The following DMRT1 variants were observed in gnomAD, a reference collection of about 807,000 sequenced individuals.
DMRT1 encodes the protein doublesex and mab-3 related transcription factor 1.
DMRT1 carries 7 observed loss-of-function variants against 32.3 expected under a neutral mutation model. That is an observed-to-expected ratio of 0.22 (90% CI 0.12 to 0.41). The LOEUF is 0.41. Ranked by LOEUF, DMRT1 falls within the 10% of genes least tolerant of loss-of-function variation. The pLI, the probability that DMRT1 is intolerant of heterozygous loss-of-function variation, is 1.00. For synonymous variants in DMRT1, 278 were observed against 206.1 expected, an observed-to-expected ratio of 1.35 and a Z score of -2.99; for missense variants, 625 against 500.5, an observed-to-expected ratio of 1.25 and a Z score of -2.37.
intron 3 of DMRT1, 146 bp from the exon 4 acceptor site, chr9:916,617 C>T: frequency 1.1e-6 from 1 of 946,354 alleles, no homozygotes; most frequent in Non-Finnish European, 1.7e-6. Flanking sequence ...AGCGATCCTC[C>T]CGCCCTGGCC....
chr9:900,181 A>C (rs1817518415), intron 3 of DMRT1, among the ~76,000 whole-genome samples: 1 of 152,210 alleles, frequency 6.6e-6, no homozygotes, highest in East Asian at 1.9e-4. Context: ...TAGGAAGGAA[A>C]CCGCGTTCTG....
At chr9:917,857 A>G (rs941871310) in intron 4 of DMRT1, among the ~76,000 whole-genome samples, 1 of 152,238 alleles carries the variant, frequency 6.6e-6, no homozygotes, top group African/African-American at 2.4e-5. Context: ...AATATGAAAT[A>G]TATAGGTCAC....
At chr9:917,343 T>A (rs533758323) in intron 4 of DMRT1, among the ~76,000 whole-genome samples, 2 of 152,182 alleles carry the variant, frequency 1.3e-5, no homozygotes, top group African/African-American at 4.8e-5. Flanking sequence ...ATAAAACATT[T>A]TTGAATACAA....
chr9:912,227 C>T (rs1338842750), intron 3 of DMRT1, among the ~76,000 whole-genome samples: 1 of 152,186 alleles, frequency 6.6e-6, no homozygotes, highest in Non-Finnish European at 1.5e-5. Flanking sequence ...CAGATTGGGG[C>T]AACCGCCCCC....
chr9:845,934 C>G (rs1043353945), intron 1 of DMRT1, among the ~76,000 whole-genome samples: 8 of 151,916 alleles, frequency 5.3e-5, no homozygotes, highest in Admixed American at 1.3e-4. Flanking sequence ...CTCTGACTTT[C>G]TTCTGTAGGA....
At chr9:929,798 T>G (rs1447323557) in intron 4 of DMRT1, among the ~76,000 whole-genome samples, 1 of 152,140 alleles carries the variant, frequency 6.6e-6, no homozygotes, top group Non-Finnish European at 1.5e-5. Flanking sequence ...CCCCCCAGGA[T>G]GTAAACTGAT....
chr9:848,358 AG>A (rs1415220943), intron 2 of DMRT1, among the ~76,000 whole-genome samples: 1 of 152,192 alleles, frequency 6.6e-6, no homozygotes, highest in African/African-American at 2.4e-5. Context: ...AAGGAAGTTA[AG>A]CAGAAAAGAA....
At chr9:875,842 C>T (rs986262005) in intron 2 of DMRT1, among the ~76,000 whole-genome samples, 2 of 152,138 alleles carry the variant, frequency 1.3e-5, no homozygotes, top group East Asian at 3.9e-4. Flanking sequence ...TATTTACGCT[C>T]ATATCCCAAG....
intron 4 of DMRT1, among the ~76,000 whole-genome samples, chr9:967,167 G>A (rs1819955688): frequency 6.6e-6 from 1 of 152,226 alleles, no homozygotes; most frequent in South Asian, 2.1e-4. Context: ...CAGGAAGGGA[G>A]TTCTGGGGGT....
intron 2 of DMRT1, among the ~76,000 whole-genome samples, chr9:863,636 AG>A (rs1815827778): frequency 6.6e-6 from 1 of 152,208 alleles, no homozygotes; most frequent in Non-Finnish European, 1.5e-5. Context: ...AAAGAAATGC[AG>A]CCCCACAGAC....
At chr9:879,538 T>A (rs571102746) in intron 2 of DMRT1, among the ~76,000 whole-genome samples, 2 of 152,342 alleles carry the variant, frequency 1.3e-5, no homozygotes, top group Non-Finnish European at 2.9e-5. Flanking sequence ...TTCACGTAGA[T>A]AGTTAGAAGA....
Position 965,601 on chromosome 9 carries a change from G to A in DMRT1, c.968-2384G>A, listed in dbSNP as rs1424536890. Among the ~76,000 whole-genome samples, 4 of 152,188 alleles carry A rather than the reference G, an allele frequency of 2.6e-5. No individual in the cohort carries two copies. Among genetic ancestry groups the A allele is most frequent in the East Asian group, 3.8e-4 (2 of 5,196 alleles). On this transcript the variant is annotated intron_variant, in intron 4 of 4. Transcript: ENST00000382276. This position sits in a 1 kb window ranked among gnomAD's most constrained non-coding sequence, Gnocchi z 4.5. ...GCTAAATGAGGAGAGGGCATCTCCC[G>A]GGGCATCTCCCAGTCAGCTGCTAAC... is the stretch of plus-strand genomic sequence containing the variant.
At chr9:966,381 T>C (rs949182638) in intron 4 of DMRT1, among the ~76,000 whole-genome samples, 11 of 152,252 alleles carry the variant, frequency 7.2e-5, no homozygotes, top group Admixed American at 3.3e-4. Flanking sequence ...ATTTTAAAGC[T>C]TACAAACTTA....
At chr9:961,912 A>T (rs567417503) in intron 4 of DMRT1, among the ~76,000 whole-genome samples, 1 of 152,098 alleles carries the variant, frequency 6.6e-6, no homozygotes, top group Non-Finnish European at 1.5e-5. Context: ...ACAGATGGAG[A>T]AACTAGGGCG....
chr9:864,212 CT>C (rs5895867), intron 2 of DMRT1, among the ~76,000 whole-genome samples: 125,638 of 135,042 alleles, frequency 0.93, 58,403 homozygotes, highest in East Asian at 0.99. Context: ...TCTTTTTTTT[CT>C]TTTTTTTTTT....
intron 2 of DMRT1, among the ~76,000 whole-genome samples, chr9:879,393 A>C (rs1816640834): frequency 6.6e-6 from 1 of 152,256 alleles, no homozygotes; most frequent in African/African-American, 2.4e-5. Context: ...AATTAAAAAA[A>C]AACAAGAGAG....
intron 2 of DMRT1, among the ~76,000 whole-genome samples, chr9:859,720 C>T (rs1342177151): frequency 6.6e-6 from 1 of 152,180 alleles, no homozygotes; most frequent in Non-Finnish European, 1.5e-5. Flanking sequence ...AATCTGGTCT[C>T]ATTGTACAAT....
At chr9:899,515 G>T (rs770356894) in intron 3 of DMRT1, among the ~76,000 whole-genome samples, 1 of 152,136 alleles carries the variant, frequency 6.6e-6, no homozygotes, top group African/African-American at 2.4e-5. Flanking sequence ...GCTTTTAATT[G>T]CTTCTGGTCT....
At chr9:899,396 C>T (rs1296693182) in intron 3 of DMRT1, among the ~76,000 whole-genome samples, 2 of 152,214 alleles carry the variant, frequency 1.3e-5, no homozygotes, top group Non-Finnish European at 2.9e-5. Context: ...CGAATAATTA[C>T]TGAGCACCTA....
Sources: gnomAD v4.1 joint callset for allele counts (sites outside exome capture counted in the v4.1 genomes callset) on GRCh38, gnomAD v4.1.1 for gene constraint, Gnocchi (gnomAD v3.1) non-coding constraint, MANE v1.5 for transcripts, NCBI Gene and HGNC (gene_info 2026-07-23, HGNC 2026-07-21) for gene names.